AMMECR1: variants seen among roughly 807,000 people sequenced by gnomAD.
AMMECR1 encodes nuclear protein AMMECR1.
Under a neutral mutation model 22.5 loss-of-function variants are expected in AMMECR1, and 3 were observed. That is an observed-to-expected ratio of 0.13 (90% confidence interval 0.06 to 0.35). The LOEUF (loss-of-function observed/expected upper bound fraction) is 0.35. Among genes scored for constraint, AMMECR1 ranks in the 10% least tolerant of loss-of-function variants. The pLI is 1.00. For synonymous variants in AMMECR1, 130 were observed against 116.7 expected, an observed-to-expected ratio of 1.11 and a Z score of -0.74; for missense variants, 235 against 278.7, an observed-to-expected ratio of 0.84 and a Z score of 1.12.
At chrX:110,259,206 A>G (rs1289125290) in intron 2 of AMMECR1, among the ~76,000 whole-genome samples, 1 of 111,564 alleles carries the variant, frequency 9.0e-6, no homozygotes, top group Non-Finnish European at 1.9e-5. Flanking sequence ...ACCCACACAG[A>G]ACAAAATAAA....
intron 2 of AMMECR1, among the ~76,000 whole-genome samples, chrX:110,394,725 C>T (rs1237756979): frequency 8.9e-6 from 1 of 112,722 alleles, no homozygotes; most frequent in Non-Finnish European, 1.9e-5. Context: ...TGCTTTTGCA[C>T]ATGCATCTGC....
At chrX:110,402,357 T>C (rs1269249598) in intron 2 of AMMECR1, among the ~76,000 whole-genome samples, 1 of 113,127 alleles carries the variant, frequency 8.8e-6, no homozygotes, top group African/African-American at 3.2e-5. Context: ...GCAAGGTTTG[T>C]CTGTCAGGGT....
chrX:110,343,158 T>C (rs1329260622), intron 2 of AMMECR1, among the ~76,000 whole-genome samples: 1 of 112,084 alleles, frequency 8.9e-6, no homozygotes, highest in African/African-American at 3.2e-5. Flanking sequence ...TCAAGTGGGC[T>C]TCATCCCTGG....
rs1346555615 is a variant in AMMECR1 at position 110,381,565 on chromosome X, T to C, written c.-148+45093A>G. On this transcript the variant is annotated intron_variant, in intron 2 of 7. Coordinates refer to the AMMECR1 transcript ENST00000372057. ...AATACCATTTGATCCAGCAGTCCTCTTACTGGGTATATATCCAAAGGAAAA... is the reference window on the plus strand; with the variant it reads ...AATACCATTTGATCCAGCAGTCCTCCTACTGGGTATATATCCAAAGGAAAA... 8.0e-5 allele frequency among the ~76,000 whole-genome samples: 9 copies of C among 111,988 alleles called. No homozygotes were observed. In the Admixed American group the frequency reaches 8.5e-4, roughly 11 times the overall value.
Position 110,376,804 on chromosome X carries a change from T to C in AMMECR1, c.-148+49854A>G, listed in dbSNP as rs150511361. ...TCACAGTACCTGCCTTGCAGAGGTG[T>C]GGGGAAGGAGGCAAGTCAAATGTAT... On this transcript the variant is annotated intron_variant, in intron 2 of 7. Coordinates refer to the AMMECR1 transcript ENST00000372057. Among the ~76,000 whole-genome samples the C allele has an allele frequency of 5.2e-3, 588 of 112,207 alleles. 3 individuals are homozygous for C. The highest frequency in any genetic ancestry group is 0.018 in the African/African-American group (555 of 30,875).
At chrX:110,273,727 A>C (rs1261773534) in intron 1 of AMMECR1, among the ~76,000 whole-genome samples, 1 of 111,584 alleles carries the variant, frequency 9.0e-6, no homozygotes, top group East Asian at 2.8e-4. Context: ...CCATTTATTG[A>C]ATAGGGACTC....
At chrX:110,211,992 T>C (rs1024122684) in intron 3 of AMMECR1, among the ~76,000 whole-genome samples, 2 of 112,271 alleles carry the variant, frequency 1.8e-5, no homozygotes, top group African/African-American at 6.5e-5. Context: ...TTGATTAGTC[T>C]GTCAATTCAA....
At chrX:110,398,094 G>C (rs1449128881) in intron 2 of AMMECR1, among the ~76,000 whole-genome samples, 1 of 111,688 alleles carries the variant, frequency 9.0e-6, no homozygotes, top group Non-Finnish European at 1.9e-5. Context: ...TCCAACAAAG[G>C]CAGGCCGGCC....
At chrX:110,420,321 T>C (rs770605811) in intron 2 of AMMECR1, among the ~76,000 whole-genome samples, 1 of 112,249 alleles carries the variant, frequency 8.9e-6, no homozygotes, top group East Asian at 2.8e-4. Context: ...CCAAGGAATA[T>C]TCGTTGAATG....
intron 1 of AMMECR1, 23 bp from the exon 2 acceptor site, chrX:110,264,622 G>T: frequency 9.3e-7 from 1 of 1,070,658 alleles, no homozygotes; most frequent in Non-Finnish European, 1.3e-6. Flanking sequence ...ATAAAAATAG[G>T]GTAAATAAAT....
intron 2 of AMMECR1, among the ~76,000 whole-genome samples, chrX:110,345,847 G>T (rs2068186825): frequency 8.9e-6 from 1 of 112,024 alleles, no homozygotes; most frequent in African/African-American, 3.2e-5. Context: ...TTTTGTTCCA[G>T]AGTTTAAATT....
At chrX:110,332,957 A>G (rs1291446110) in intron 2 of AMMECR1, among the ~76,000 whole-genome samples, 1 of 111,871 alleles carries the variant, frequency 8.9e-6, no homozygotes, top group Non-Finnish European at 1.9e-5. Flanking sequence ...ACACTTAAGA[A>G]AGTCTGAATA....
At chrX:110,434,676 T>C (rs757345197) in intron 1 of AMMECR1, among the ~76,000 whole-genome samples, 2 of 111,096 alleles carry the variant, frequency 1.8e-5, no homozygotes, top group South Asian at 3.9e-4. Flanking sequence ...CAAGGTCTGT[T>C]TGGACTTGCT....
chrX:110,318,862 G>C (rs974789956), upstream of AMMECR1, among the ~76,000 whole-genome samples: 1 of 111,992 alleles, frequency 8.9e-6, no homozygotes, highest in African/African-American at 3.2e-5. Context: ...TCCTTGCCCC[G>C]TTTAAACATT....
chrX:110,206,842 G>A (rs571959933), intron 3 of AMMECR1, among the ~76,000 whole-genome samples: 1 of 111,892 alleles, frequency 8.9e-6, no homozygotes, highest in East Asian at 2.8e-4. Flanking sequence ...ATATGGCCAT[G>A]GCTTACTCTA....
chrX:110,361,701 A>C (rs1253712512), intron 2 of AMMECR1, among the ~76,000 whole-genome samples: 2 of 112,116 alleles, frequency 1.8e-5, no homozygotes, highest in Non-Finnish European at 3.8e-5. Flanking sequence ...TCTGCCTTCC[A>C]TGTTTTATTT....
intron 2 of AMMECR1, among the ~76,000 whole-genome samples, chrX:110,232,890 A>C (rs1486299332): frequency 1.4e-5 from 1 of 73,691 alleles, no homozygotes; most frequent in Non-Finnish European, 2.6e-5. Flanking sequence ...ACTCAGTCTC[A>C]AAAAAAAAAA....
intron 1 of AMMECR1, among the ~76,000 whole-genome samples, chrX:110,270,185 C>T (rs769439177): frequency 1.2e-4 from 13 of 111,571 alleles, no homozygotes; most frequent in Non-Finnish European, 1.9e-4. Flanking sequence ...TTATCAAACA[C>T]AGTCACATTA....
intron 1 of AMMECR1, among the ~76,000 whole-genome samples, chrX:110,276,344 C>A (rs1488105695): frequency 9.0e-6 from 1 of 111,576 alleles, no homozygotes; most frequent in African/African-American, 3.3e-5. Context: ...CTATAACCAT[C>A]ATTTCTGGTT....
Sources: allele counts gnomAD v4.1 joint callset (sites outside exome capture counted in the v4.1 genomes callset), GRCh38; gene constraint gnomAD v4.1.1; transcripts MANE v1.5; gene names NCBI Gene and HGNC (gene_info 2026-07-23, HGNC 2026-07-21).